Variants in ATRX observed in about 807,000 individuals in gnomAD.
ATRX encodes the protein chromatin remodeler ATRX.
Under a neutral mutation model 172.6 loss-of-function variants are expected in ATRX, and 12 were observed. The ratio of observed to expected loss-of-function variants is 0.07; its 90% CI spans 0.04 to 0.11. The LOEUF (loss-of-function observed/expected upper bound fraction) is 0.11, where lower values mean the gene tolerates loss of function less well. Among genes scored for constraint, ATRX ranks in the 10% least tolerant of loss-of-function variants. The pLI is 1.00. For missense variants in ATRX, 1,368 were observed against 1,767.4 expected (o/e 0.77, Z 4.05); for synonymous variants, 674 against 594.7 (o/e 1.13, Z -1.94).
intron 11 of ATRX, among the ~76,000 whole-genome samples, chrX:77,664,412 A>C (rs781952012): frequency 1.8e-4 from 20 of 110,317 alleles, no homozygotes; most frequent in Non-Finnish European, 3.6e-4. Context: ...GGCACGCACT[A>C]TCACGCCCAG....
intron 28 of ATRX, among the ~76,000 whole-genome samples, chrX:77,567,114 TA>T (rs1251694182): frequency 2.8e-5 from 3 of 108,826 alleles, no homozygotes; most frequent in African/African-American, 1.0e-4. Context: ...AGAGAAACAC[TA>T]AAAAAAACTA....
intron 30 of ATRX, among the ~76,000 whole-genome samples, chrX:77,554,688 G>C (rs1181263765): frequency 9.0e-6 from 1 of 111,370 alleles, no homozygotes; most frequent in Non-Finnish European, 1.9e-5. Flanking sequence ...ATCTTTTATA[G>C]GCCAACCAAG....
At chrX:77,751,091 T>C (rs1273411266) in intron 1 of ATRX, among the ~76,000 whole-genome samples, 2 of 112,346 alleles carry the variant, frequency 1.8e-5, no homozygotes, top group Admixed American at 1.9e-4. Flanking sequence ...TTCTAGATCC[T>C]TGAGGAATAG....
chrX:77,573,084 G>A lies in ATRX; in HGVS notation c.6326+1166C>T, dbSNP rs559481215. ...TGTTTGTGTATGTGTATACGTATGC[G>A]TATGTGCATATGTTTAGATGTATGT... is the stretch of plus-strand genomic sequence containing the variant. On this transcript the variant is annotated intron_variant, in intron 28 of 34. Transcript: ENST00000373344. 6.8e-4 allele frequency among the ~76,000 whole-genome samples: 76 copies of A among 111,983 alleles called. 1 individual carries two copies. In the South Asian group the frequency reaches 0.024, roughly 35 times the overall value.
chrX:77,608,556 C>T (rs1353791791), intron 22 of ATRX, among the ~76,000 whole-genome samples: 1 of 110,875 alleles, frequency 9.0e-6, no homozygotes, highest in African/African-American at 3.3e-5. Flanking sequence ...TGAATCTGGA[C>T]ACCTATCTAT....
At position 77,684,176 on chromosome X, in the gene ATRX, A is replaced by T. The variant is rs2071423086; in HGVS notation, c.1080T>A (p.Ile360=). 2 of 1,210,051 alleles carry T rather than the reference A, an allele frequency of 1.7e-6. No homozygotes were observed. The highest frequency in any genetic ancestry group is 2.2e-6 in the Non-Finnish European group (2 of 894,853). The stretch of plus-strand genomic sequence containing the variant: ...TGGAGTTCATGTTGGCTGTGGTCTC[A>T]ATCAGTTTTTTTGCCTTCTTAATCA... ...KEMIKKAKKL[I]ETTANMNSSY... The change falls in exon 9 of 35, where the codon ATT becomes ATA. Residue 360 remains isoleucine, a synonymous_variant. Coordinates refer to ENST00000373344, the MANE Select transcript of ATRX (RefSeq NM_000489.6).
At chrX:77,697,256 C>CA (rs1234238059) in intron 4 of ATRX, among the ~76,000 whole-genome samples, 2 of 111,537 alleles carry the variant, frequency 1.8e-5, no homozygotes, top group East Asian at 5.6e-4. Flanking sequence ...CCCACTGCCT[C>CA]ATAGGCATTC....
At chrX:77,718,275 C>T (rs1164046695) in intron 1 of ATRX, among the ~76,000 whole-genome samples, 1 of 109,187 alleles carries the variant, frequency 9.2e-6, no homozygotes, top group Non-Finnish European at 1.9e-5. Flanking sequence ...GTCTAACTGA[C>T]TGGCATAAAG....
At chrX:77,574,478 G>A (rs2065537426) in intron 27 of ATRX, 120 bp from the exon 28 acceptor site, 1 of 503,445 alleles carries the variant, frequency 2.0e-6, no homozygotes, top group Non-Finnish European at 3.5e-6. Flanking sequence ...TATTTGTATA[G>A]CAAAATACAT....
chrX:77,719,248 A>C (rs1394778032), intron 1 of ATRX, among the ~76,000 whole-genome samples: 1 of 111,529 alleles, frequency 9.0e-6, no homozygotes, highest in Non-Finnish European at 1.9e-5. Flanking sequence ...TCTTACAATT[A>C]AACAACAAAA....
intron 27 of ATRX, among the ~76,000 whole-genome samples, chrX:77,586,570 T>C: frequency 8.9e-6 from 1 of 112,100 alleles, no homozygotes; most frequent in East Asian, 2.8e-4. Flanking sequence ...TTAGTTATTA[T>C]GGCAATGGTG....
At chrX:77,694,032 T>C (rs782207474) in intron 5 of ATRX, 95 bp from the exon 6 acceptor site, 173 of 698,133 alleles carry the variant, frequency 2.5e-4, no homozygotes, top group Middle Eastern at 7.5e-4. Flanking sequence ...TGCTGGTACA[T>C]AGTTTGTTTC....
At position 77,604,969 on chromosome X, in the gene ATRX, T is replaced by C. The variant is rs988165238; in HGVS notation, c.5567-4405A>G. On this transcript the variant is annotated intron_variant, in intron 22 of 34. Coordinates refer to ENST00000373344, the MANE Select transcript of ATRX (RefSeq NM_000489.6). ...ATAATGTGAACACATGGATGTAGAG[T>C]GTGGAATGACAGACAATGGAGACTT... 2.7e-5 allele frequency among the ~76,000 whole-genome samples: 3 copies of C among 111,550 alleles called. No individual in the cohort carries two copies. In the Admixed American group the frequency reaches 2.9e-4, roughly 11 times the overall value.
chrX:77,753,417 C>T, intron 1 of ATRX, among the ~76,000 whole-genome samples: 1 of 111,117 alleles, frequency 9.0e-6, no homozygotes, highest in East Asian at 2.8e-4. Flanking sequence ...AAAACCAGCT[C>T]CTTGATTCAT....
Position 77,719,823 on chromosome X carries a change from C to A in ATRX, c.21-2580G>T, listed in dbSNP as rs897568465. 5.4e-5 allele frequency among the ~76,000 whole-genome samples: 6 copies of A among 111,389 alleles called. No homozygotes were observed. The South Asian group carries it at 2.2e-3, about 41-fold the overall frequency. On this transcript the variant is annotated intron_variant, in intron 1 of 34. Coordinates refer to ENST00000373344, the MANE Select transcript of ATRX (RefSeq NM_000489.6). The stretch of plus-strand genomic sequence containing the variant: ...TACAACACTTGAACTCAGCTCTGGA[C>A]CAAGCAGACCTAACAGACATCTACA...
chrX:77,724,043 GC>G (rs1438689018), intron 1 of ATRX, among the ~76,000 whole-genome samples: 6 of 111,317 alleles, frequency 5.4e-5, no homozygotes, highest in Non-Finnish European at 9.4e-5. Context: ...CACTTTGGGA[GC>G]TAGACAGGCA....
chrX:77,593,470 T>C (rs3027544), intron 26 of ATRX, among the ~76,000 whole-genome samples: 59,137 of 109,271 alleles, frequency 0.54, 13,267 homozygotes, highest in Non-Finnish European at 0.69. Context: ...CAAGTTGCAA[T>C]AGGTAGAAGC....
intron 28 of ATRX, among the ~76,000 whole-genome samples, chrX:77,564,596 G>T (rs1443512810): frequency 9.1e-6 from 1 of 110,157 alleles, no homozygotes; most frequent in African/African-American, 3.3e-5. Flanking sequence ...ATGTTGCCCA[G>T]ACTGGTCTTC....
chrX:77,628,941 G>C (rs1303584977), intron 19 of ATRX, among the ~76,000 whole-genome samples: 1 of 112,131 alleles, frequency 8.9e-6, no homozygotes, highest in Non-Finnish European at 1.9e-5. Context: ...TAAGGCTTGG[G>C]ATAATTGTTA....
Sources: allele counts gnomAD v4.1 joint callset (sites outside exome capture counted in the v4.1 genomes callset), GRCh38; gene constraint gnomAD v4.1.1; transcripts MANE v1.5; gene names NCBI Gene and HGNC (gene_info 2026-07-23, HGNC 2026-07-21).